Variants in LIME1 observed in about 807,000 individuals in gnomAD.
LIME1 encodes Lck interacting transmembrane adaptor 1.
LIME1 carries 23 observed loss-of-function variants against 18.8 expected under a neutral mutation model. The ratio of observed to expected loss-of-function variants is 1.22; its 90% confidence interval spans 0.88 to 1.73. The LOEUF is 1.73. Ranked by LOEUF, LIME1 falls within the 40% of genes most tolerant of loss-of-function variation. The pLI, the probability that LIME1 is intolerant of heterozygous loss-of-function variation, is 0.00. For missense variants in LIME1, 423 were observed against 396.8 expected, an observed-to-expected ratio of 1.07 and a Z score of -0.56; for synonymous variants, 177 against 182.3, an observed-to-expected ratio of 0.97 and a Z score of 0.23.
At chr20:63,738,081 G>GGGCGGC in intron 4 of LIME1, 21 bp downstream of exon 4, 5 of 1,526,532 alleles carry the variant, frequency 3.3e-6, no homozygotes, top group Non-Finnish European at 3.5e-6. Context: ...GGCGGGGCGG[G>GGGCGGC]GGCGGCCGGG....
upstream of LIME1, chr20:63,736,260 C>T (rs2091989346): frequency 3.6e-6 from 1 of 278,716 alleles, no homozygotes; most frequent in Non-Finnish European, 6.9e-6. Flanking sequence ...CCTTCTTACC[C>T]TTCTCTGACC....
chr20:63,736,472 G>C (rs1410552444), upstream of LIME1: 2 of 298,144 alleles, frequency 6.7e-6, no homozygotes, highest in African/African-American at 4.5e-5. Context: ...GTGTGGAGGG[G>C]TTGTGAGTTA....
chr20:63,738,073 C>CGGGGCGGGGGCG lies in LIME1; in HGVS notation c.268+15_268+26dup, dbSNP rs3032680. 5.6e-5 allele frequency: 80 copies of CGGGGCGGGGGCG among 1,425,196 alleles called. No homozygotes were observed. The highest frequency in any genetic ancestry group is 3.1e-4 in the African/African-American group (22 of 70,676). 88.3% of individuals were successfully genotyped at this position (1,425,196 alleles called of 1,614,324 possible). On this transcript the variant is annotated intron_variant, in intron 4 of 5. Transcript: ENST00000309546. ...CGCAGCAGCAGGGGTGAGCAGAGGG[C>CGGGGCGGGGGCG]GGGGCGGGGGCGGCCGGGCGGGGCT... is the stretch of plus-strand genomic sequence containing the variant.
At position 63,737,973 on chromosome 20, in the gene LIME1, TC is replaced by T; in HGVS notation, c.184del (p.Leu62TyrfsTer2). 1 of 1,571,630 alleles carries T rather than the reference TC, an allele frequency of 6.4e-7. No individual in the cohort carries two copies. The highest frequency in any genetic ancestry group is 8.6e-7 in the Non-Finnish European group (1 of 1,160,884). On this transcript the variant is annotated frameshift_variant and splice_region_variant, in exon 4 of 6. Coordinates refer to ENST00000309546, the MANE Select transcript of LIME1 (RefSeq NM_017806.4). LOFTEE classifies it high-confidence loss of function. ...LQGSATAAEA[S>X]LLRRTHLCSL... is the part of the protein sequence containing the mutation. ...ACCGACCAGCCTTCCTCGCCCCCAG[TC>T]CCTACTGAGGCGGACCCACCTCTGC...
At position 63,738,430 on chromosome 20, in the gene LIME1, G is replaced by A. The variant is rs1171440608; in HGVS notation, c.516G>A (p.Lys172=). The A allele has an allele frequency of 5.2e-6, 8 of 1,545,392 alleles. No individual in the cohort carries two copies. Among genetic ancestry groups the A allele is most frequent in the Non-Finnish European group, 7.0e-6 (8 of 1,146,488 alleles). ...PVVAEYARVQ[K]RKGTHRSPQE... The stretch of plus-strand genomic sequence containing the variant: ...TGGCCGAGTATGCCCGCGTCCAGAA[G>A]CGCAAAGGGACCCATCGCAGTCCCC... The change falls in exon 5 of 6, where the codon AAG becomes AAA. Residue 172 remains lysine (K), a synonymous_variant. Coordinates refer to ENST00000309546, the MANE Select transcript of LIME1 (RefSeq NM_017806.4).
In LIME1 at chr20:63,738,061, G is replaced by C; in HGVS notation, c.268+1G>C. The stretch of plus-strand genomic sequence containing the variant: ...CACCGGGGCCCGCGCAGCAGCAGGG[G>C]TGAGCAGAGGGCGGGGCGGGGGCGG... On this transcript the variant is annotated splice_donor_variant, in intron 4 of 5. Coordinates refer to ENST00000309546, the MANE Select transcript of LIME1 (RefSeq NM_017806.4). LOFTEE classifies it high-confidence loss of function. 6.9e-7 allele frequency: 1 copy of C among 1,448,784 alleles called. No individual in the cohort carries two copies. The highest frequency in any genetic ancestry group is 1.2e-5 in the South Asian group (1 of 82,058). 89.7% of individuals were successfully genotyped at this position (1,448,784 alleles called of 1,614,324 possible).
Position 63,737,564 on chromosome 20 carries a change from G to A in LIME1, c.15G>A (p.Val5=), listed in dbSNP as rs1040460474. MGLP[V]SWAPPALWVL... is the part of the protein sequence containing the mutation. ...GGCTTCACAGGATGGGGCTGCCAGTGTCCTGGGCCCCTCCTGCCCTCTGGG... is the reference window on the plus strand; with the variant it reads ...GGCTTCACAGGATGGGGCTGCCAGTATCCTGGGCCCCTCCTGCCCTCTGGG... The change falls in exon 2 of 6, where the codon GTG becomes GTA. Residue 5 remains valine (V), a synonymous_variant. Coordinates refer to ENST00000309546, the MANE Select transcript of LIME1 (RefSeq NM_017806.4). 5.0e-6 allele frequency: 8 copies of A among 1,595,754 alleles called. No individual in the cohort carries two copies. The African/African-American group carries it at 1.1e-4, about 22-fold the overall frequency.
upstream of LIME1, chr20:63,735,806 CAGG>C: frequency 6.2e-7 from 1 of 1,610,582 alleles, no homozygotes; most frequent in Non-Finnish European, 8.5e-7. Flanking sequence ...AGCCCAGCTG[CAGG>C]AGAAGCTGGC....
rs575552875 is a variant in LIME1 at position 63,738,861 on chromosome 20, A to G, written c.849A>G (p.Leu283=). ...CCCCTGCTTCCAGCTGCCCCAGCCT[A>G]GGGAGGGGCTGGAGACCCCTCCCTG... ...GTPPASSCPS[L]GRGWRPLPAS... Residue 283 remains leucine (L), a synonymous_variant, in exon 6 of 6, where the codon CTA becomes CTG. Transcript: ENST00000309546. The G allele has an allele frequency of 1.6e-5, 26 of 1,609,992 alleles. 1 individual carries two copies. The African/African-American group carries it at 3.1e-4, about 19-fold the overall frequency.
chr20:63,735,732 T>A (rs1601355927), upstream of LIME1: 3 of 1,557,460 alleles, frequency 1.9e-6, no homozygotes, highest in Non-Finnish European at 2.6e-6. Flanking sequence ...CAGACTGGGG[T>A]TGGTGGCATG....
intron 2 of LIME1, 27 bp from the exon 3 acceptor site, chr20:63,737,794 C>A: frequency 1.6e-6 from 2 of 1,285,682 alleles, no homozygotes; most frequent in Non-Finnish European, 2.1e-6. Context: ...ACGACCCCGC[C>A]CCCCGCCCCC....
At chr20:63,737,770 T>A (rs954648813) in intron 2 of LIME1, 51 bp from the exon 3 acceptor site, 4 of 1,423,792 alleles carry the variant, frequency 2.8e-6, no homozygotes, top group Non-Finnish European at 3.7e-6. Context: ...CACCGGGCCT[T>A]GGACCCGAGG....
In LIME1 at chr20:63,738,735, G is replaced by A. The variant is rs112564671; in HGVS notation, c.723G>A (p.Arg241=). The A allele has an allele frequency of 1.2e-6, 2 of 1,613,062 alleles. No individual in the cohort carries two copies. Among genetic ancestry groups the A allele is most frequent in the Non-Finnish European group, 1.7e-6 (2 of 1,179,950 alleles). The change falls in exon 6 of 6, where the codon AGG becomes AGA. Residue 241 remains arginine, a synonymous_variant. Transcript: ENST00000309546. Reference sequence around the variant, plus strand: ...TGGCCTACCAGACCCTCCCGCTCAGGGCCCTGGATGTGGACAGCGGCCCCC... The same window carrying A: ...TGGCCTACCAGACCCTCCCGCTCAGAGCCCTGGATGTGGACAGCGGCCCCC... ...GDLAYQTLPL[R]ALDVDSGPLE...
chr20:63,736,846 AC>A, intron 1 of LIME1, 134 bp downstream of exon 1: 2 of 986,256 alleles, frequency 2.0e-6, no homozygotes, highest in Non-Finnish European at 2.4e-6. Context: ...ACCACCCCTC[AC>A]CCCCCAGCTT....
At position 63,737,612 on chromosome 20, in the gene LIME1, CCT is replaced by C. The variant is rs766014513; in HGVS notation, c.67_68del (p.Ser23AlafsTer166). 1 of 1,603,348 alleles carries C rather than the reference CCT, an allele frequency of 6.2e-7. No homozygotes were observed. The highest frequency in any genetic ancestry group is 8.5e-7 in the Non-Finnish European group (1 of 1,176,328). On this transcript the variant is annotated frameshift_variant, in exon 2 of 6. Coordinates refer to ENST00000309546, the MANE Select transcript of LIME1 (RefSeq NM_017806.4). LOFTEE classifies it high-confidence loss of function. ...GGGTTCTAGGGTGCTGCGCCCTGCT[CCT>C]CTCGCTGTGGGCGCTGTGCACAGCC... ...LWVLGCCALL[L>X]SLWALCTACR...
At chr20:63,737,455 G>A in intron 1 of LIME1, 78 bp from the exon 2 acceptor site, 8 of 1,393,862 alleles carry the variant, frequency 5.7e-6, no homozygotes, top group Non-Finnish European at 7.4e-6. Context: ...CGCAGCCGCG[G>A]GAGGTGCAGA....
At chr20:63,737,735 G>C in intron 2 of LIME1, 86 bp from the exon 3 acceptor site, 1 of 1,419,600 alleles carries the variant, frequency 7.0e-7, no homozygotes, top group Non-Finnish European at 9.2e-7. Context: ...GCAGGTCCGC[G>C]CACCCAGCTC....
At chr20:63,737,503 G>A in intron 1 of LIME1, 30 bp from the exon 2 acceptor site, 1 of 1,441,534 alleles carries the variant, frequency 6.9e-7, no homozygotes, top group Admixed American at 3.0e-5. Flanking sequence ...CCCTTGGCCA[G>A]CCCCCAGCGC....
At chr20:63,737,153 G>T (rs966572212) in intron 1 of LIME1, 1 of 1,009,962 alleles carries the variant, frequency 9.9e-7, no homozygotes, top group Non-Finnish European at 1.2e-6. Flanking sequence ...GACCATGTCT[G>T]GGCAGAGGGT....
Sources: allele counts gnomAD v4.1 joint callset, GRCh38; gene constraint gnomAD v4.1.1; transcripts MANE v1.5; gene names NCBI Gene and HGNC (gene_info 2026-07-23, HGNC 2026-07-21).